CEP128: variants seen among roughly 807,000 people sequenced by gnomAD.
CEP128 encodes the protein centrosomal protein 128kDa.
CEP128 carries 132 observed loss-of-function variants against 156.7 expected under a neutral mutation model. That is an observed-to-expected ratio of 0.84 (90% CI 0.73 to 0.97). The LOEUF is 0.97. Ranked by LOEUF, CEP128 falls within the 50% of genes least tolerant of loss-of-function variation. The pLI is 0.00. For missense variants in CEP128, 1,252 were observed against 1,281.9 expected (o/e 0.98, Z 0.36); for synonymous variants, 469 against 448.9 (o/e 1.04, Z -0.57).
chr14:80,833,989 C>G (rs745357558), intron 12 of CEP128, among the ~76,000 whole-genome samples: 22 of 152,160 alleles, frequency 1.4e-4, no homozygotes, highest in Non-Finnish European at 2.4e-4. Flanking sequence ...ACGATGAATT[C>G]AGCTGTGTAT....
intron 12 of CEP128, among the ~76,000 whole-genome samples, chr14:80,832,101 A>G (rs1718687286): frequency 6.6e-6 from 1 of 152,132 alleles, no homozygotes; most frequent in Non-Finnish European, 1.5e-5. Context: ...CCCCTACACA[A>G]GCTCTATTCC....
At chr14:80,884,511 G>A (rs1477128120) in intron 8 of CEP128, among the ~76,000 whole-genome samples, 1 of 152,190 alleles carries the variant, frequency 6.6e-6, no homozygotes, top group Non-Finnish European at 1.5e-5. Context: ...CAGTGGATGA[G>A]CAGAAGTAGG....
chr14:80,778,128 G>C, intron 15 of CEP128, 82 bp from the exon 16 acceptor site: 1 of 1,110,376 alleles, frequency 9.0e-7, no homozygotes, highest in Non-Finnish European at 1.3e-6. Flanking sequence ...TTTATCAGTG[G>C]AAAAACACTG....
chr14:80,904,704 G>T, intron 6 of CEP128, 109 bp downstream of exon 6: 1 of 714,830 alleles, frequency 1.4e-6, no homozygotes, highest in East Asian at 2.5e-5. Context: ...AGTTACTAAT[G>T]ATCAAATTCT....
chr14:80,940,465 CA>C (rs1886082580), intron 1 of CEP128, among the ~76,000 whole-genome samples: 1 of 152,166 alleles, frequency 6.6e-6, no homozygotes, highest in South Asian at 2.1e-4. Flanking sequence ...GTCAAACTGA[CA>C]TGTGCTATAC....
At chr14:80,910,303 C>T (rs1884132363) in intron 4 of CEP128, among the ~76,000 whole-genome samples, 1 of 152,132 alleles carries the variant, frequency 6.6e-6, no homozygotes, top group South Asian at 2.1e-4. Context: ...GGATCTGGGT[C>T]CTCACCGAAT....
intron 2 of CEP128, among the ~76,000 whole-genome samples, chr14:80,918,638 G>A (rs900117261): frequency 3.3e-5 from 5 of 152,100 alleles, no homozygotes; most frequent in East Asian, 1.9e-4. Context: ...TCTGCTGTCC[G>A]ATTATCCTGA....
intron 19 of CEP128, among the ~76,000 whole-genome samples, chr14:80,653,199 A>G (rs1446365401): frequency 6.6e-6 from 1 of 152,072 alleles, no homozygotes; most frequent in Non-Finnish European, 1.5e-5. Flanking sequence ...GTGGGTGGTA[A>G]GGGAGGGATA....
intron 14 of CEP128, among the ~76,000 whole-genome samples, chr14:80,792,458 G>A (rs1901759103): frequency 6.6e-6 from 1 of 152,052 alleles, no homozygotes; most frequent in African/African-American, 2.4e-5. Flanking sequence ...TTTTCCATTG[G>A]AATATTAGAA....
At chr14:80,745,266 C>T (rs1332708716) in intron 18 of CEP128, among the ~76,000 whole-genome samples, 2 of 152,112 alleles carry the variant, frequency 1.3e-5, no homozygotes, top group Admixed American at 6.6e-5. Context: ...TTCACCCTTC[C>T]ACCATGATTG....
At chr14:80,682,223 C>A (rs1297554192) in intron 19 of CEP128, among the ~76,000 whole-genome samples, 2 of 152,084 alleles carry the variant, frequency 1.3e-5, no homozygotes, top group African/African-American at 4.8e-5. Flanking sequence ...CTAAAGCAAT[C>A]CAGTAAGTGA....
At chr14:80,577,625 C>A (rs1891414699) in intron 20 of CEP128, among the ~76,000 whole-genome samples, 1 of 152,190 alleles carries the variant, frequency 6.6e-6, no homozygotes, top group Non-Finnish European at 1.5e-5. Context: ...GAGAGTCTCA[C>A]AAATGTCTGC....
rs1594884981 is a variant in CEP128, at chr14:80,956,258, C to T, written c.-172+1920G>A. Among the ~76,000 whole-genome samples, 3 of 152,278 alleles carry T rather than the reference C, an allele frequency of 2.0e-5. No homozygotes were observed. The South Asian group carries it at 6.2e-4, about 32-fold the overall frequency. On this transcript the variant is annotated intron_variant, in intron 2 of 7. Coordinates refer to the CEP128 transcript ENST00000555529. ...AAAAATTGCAAAAATATGTATTTCTCCTTTTTGTTTCTCTAGATGGGAGGT... is the reference window on the plus strand; with the variant it reads ...AAAAATTGCAAAAATATGTATTTCTTCTTTTTGTTTCTCTAGATGGGAGGT...
chr14:80,916,754 C>T (rs1242508962), intron 2 of CEP128, among the ~76,000 whole-genome samples, 192 bp from the exon 3 acceptor site: 1 of 152,206 alleles, frequency 6.6e-6, no homozygotes, highest in Non-Finnish European at 1.5e-5. Context: ...CCTCCATTGT[C>T]TCTGCTTTAA....
intron 8 of CEP128, among the ~76,000 whole-genome samples, chr14:80,892,858 C>G (rs1889168346): frequency 6.6e-6 from 1 of 151,944 alleles, no homozygotes; most frequent in Non-Finnish European, 1.5e-5. Flanking sequence ...TACCACATCA[C>G]AGCTGCAAAG....
intron 1 of CEP128, chr14:80,958,403 C>T (rs1001529181): frequency 6.6e-6 from 1 of 152,236 alleles, no homozygotes; most frequent in African/African-American, 2.4e-5. Flanking sequence ...TAAGCCACCA[C>T]TCTCAGATGA....
chr14:80,664,375 G>C (rs769604878), intron 19 of CEP128, among the ~76,000 whole-genome samples: 31 of 152,064 alleles, frequency 2.0e-4, no homozygotes, highest in Non-Finnish European at 1.6e-4. Context: ...AGAGAGTTTA[G>C]CAAATTAGCT....
At chr14:80,507,589 A>C (rs1888038665) in intron 23 of CEP128, among the ~76,000 whole-genome samples, 1 of 152,198 alleles carries the variant, frequency 6.6e-6, no homozygotes, top group African/African-American at 2.4e-5. Context: ...AGAGAAAAGC[A>C]TAATAAATGG....
At chr14:80,941,112 C>T (rs2162548) in intron 1 of CEP128, among the ~76,000 whole-genome samples, 83,408 of 151,906 alleles carry the variant, frequency 0.55, 23,508 homozygotes, top group East Asian at 0.68. Flanking sequence ...TATGATGGCA[C>T]GGGAAAGAGA....
Sources: allele counts gnomAD v4.1 joint callset (sites outside exome capture counted in the v4.1 genomes callset), GRCh38; gene constraint gnomAD v4.1.1; transcripts MANE v1.5; gene names NCBI Gene and HGNC (gene_info 2026-07-23, HGNC 2026-07-21).